Variants in SKIL observed in about 807,000 individuals in gnomAD.
SKIL encodes the protein ski-like protein.
SKIL carries 20 observed loss-of-function variants against 69.6 expected under a neutral mutation model. The observed-to-expected ratio is 0.29, with a 90% CI of 0.20 to 0.42. The LOEUF is 0.42. Among genes scored for constraint, SKIL ranks in the 10% least tolerant of loss-of-function variants. SKIL has a pLI of 1.00. For missense variants in SKIL, 745 were observed against 783.1 expected (o/e 0.95, Z 0.58); for synonymous variants, 310 against 279.9 (o/e 1.11, Z -1.08).
chr3:170,382,343 G>T (rs1430806189), intron 3 of SKIL, among the ~76,000 whole-genome samples: 1 of 150,802 alleles, frequency 6.6e-6, no homozygotes, highest in Non-Finnish European at 1.5e-5. Context: ...AAAAATGGAA[G>T]TTCTCCTTTA....
At chr3:170,386,568 C>G (rs894005277) in intron 4 of SKIL, among the ~76,000 whole-genome samples, 1 of 152,136 alleles carries the variant, frequency 6.6e-6, no homozygotes, top group Non-Finnish European at 1.5e-5. Flanking sequence ...TTGCTGGGCT[C>G]ATAGTCCTTG....
At chr3:170,384,899 CA>C in intron 4 of SKIL, 134 bp downstream of exon 4, 1 of 572,186 alleles carries the variant, frequency 1.7e-6, no homozygotes, top group Non-Finnish European at 3.1e-6. Context: ...TGCTACCCTT[CA>C]AAACTCTGGG....
chr3:170,362,832 C>G (rs1291171982), intron 2 of SKIL, among the ~76,000 whole-genome samples: 1 of 149,086 alleles, frequency 6.7e-6, no homozygotes, highest in Non-Finnish European at 1.5e-5. Flanking sequence ...AAAAACACAA[C>G]CACCTATCAG....
chr3:170,358,102 C>A (rs922622657), intron 1 of SKIL, among the ~76,000 whole-genome samples: 6 of 152,130 alleles, frequency 3.9e-5, no homozygotes, highest in Non-Finnish European at 7.4e-5. Context: ...AGTCCAGCAG[C>A]GCTCCGCGGG....
intron 3 of SKIL, among the ~76,000 whole-genome samples, chr3:170,381,722 T>C (rs941620820): frequency 5.9e-5 from 9 of 151,934 alleles, no homozygotes; most frequent in African/African-American, 1.9e-4. Context: ...TGTGAGCCAC[T>C]GTGCCTGACC....
At chr3:170,373,564 G>C (rs1372154883) in intron 2 of SKIL, among the ~76,000 whole-genome samples, 1 of 152,058 alleles carries the variant, frequency 6.6e-6, no homozygotes, top group Non-Finnish European at 1.5e-5. Context: ...GCATTATCTT[G>C]GTTTCTTTAG....
chr3:170,381,430 ATTAT>A (rs146524896), intron 3 of SKIL, 89 bp downstream of exon 3: 277,236 of 692,258 alleles, frequency 0.4, 58,168 homozygotes, highest in Non-Finnish European at 0.43. Flanking sequence ...TGGGAATTTA[ATTAT>A]TTATTTATTT....
intron 5 of SKIL, 107 bp downstream of exon 5, chr3:170,390,571 C>T: frequency 1.2e-6 from 1 of 825,576 alleles, no homozygotes; most frequent in Non-Finnish European, 1.9e-6. Flanking sequence ...ACTGAAACCT[C>T]CACCTCACAG....
chr3:170,373,651 C>T (rs142455364), intron 2 of SKIL, among the ~76,000 whole-genome samples: 1 of 152,112 alleles, frequency 6.6e-6, no homozygotes, highest in Non-Finnish European at 1.5e-5. Flanking sequence ...ATTAGAGTGC[C>T]ACCTAAAAGC....
chr3:170,378,230 T>C (rs1737133877), intron 2 of SKIL, among the ~76,000 whole-genome samples: 1 of 152,238 alleles, frequency 6.6e-6, no homozygotes. Context: ...ATCTCCTGAC[T>C]GATCAGATTT....
intron 2 of SKIL, among the ~76,000 whole-genome samples, chr3:170,371,810 G>T (rs1005031748): frequency 6.6e-6 from 1 of 152,122 alleles, no homozygotes; most frequent in Non-Finnish European, 1.5e-5. Context: ...ATTGAAAACC[G>T]CCAGGAGGGT....
rs1380564715 is a variant in SKIL, at chr3:170,381,226, T to A, written c.1099-18T>A. On this transcript the variant is annotated intron_variant, in intron 2 of 6. Coordinates refer to ENST00000259119, the MANE Select transcript of SKIL (RefSeq NM_005414.5). ...AGTTTTACTTCAATAAATGTTTCCC[T>A]TCCATGTTTTTCTGCAGACAGATGC... 1 of 1,357,684 alleles carries A rather than the reference T, an allele frequency of 7.4e-7. No individual in the cohort carries two copies. Among genetic ancestry groups the A allele is most frequent in the Non-Finnish European group, 1.1e-6 (1 of 946,468 alleles). 84.1% of individuals were successfully genotyped at this position (1,357,684 alleles called of 1,614,324 possible). A position where few individuals can be genotyped will look rare whatever the true frequency, so the allele number is the denominator to read the frequency against.
In SKIL at chr3:170,384,591, G is replaced by C. The variant is rs944952146; in HGVS notation, c.1255G>C (p.Val419Leu). 1 of 1,613,088 alleles carries C rather than the reference G, an allele frequency of 6.2e-7. No homozygotes were observed. Among genetic ancestry groups the C allele is most frequent in the Non-Finnish European group, 8.5e-7 (1 of 1,179,254 alleles). Reference sequence around the variant, plus strand: ...CCCAAATGTGTCACTTACTTCTGCTGTATCCCAGTCTAAAGAGCTCACAAA... The same window carrying C: ...CCCAAATGTGTCACTTACTTCTGCTCTATCCCAGTCTAAAGAGCTCACAAA... ...VAPNVSLTSA[V>L]SQSKELTKTE... Residue 419 changes from valine to leucine, a missense_variant, in exon 4 of 7, where the codon GTA (valine) becomes CTA (leucine). Coordinates refer to ENST00000259119, the MANE Select transcript of SKIL (RefSeq NM_005414.5).
At position 170,390,104 on chromosome 3, in the gene SKIL, A is replaced by G. The variant is rs866847111; in HGVS notation, c.1430-119A>G. 44 of 708,332 alleles carry G rather than the reference A, an allele frequency of 6.2e-5. 1 individual carries two copies. In the Middle Eastern group the frequency reaches 6.4e-3, roughly 104 times the overall value. The allele number at this position is 708,332 out of a possible 1,614,324, so 43.9% of individuals were successfully genotyped here. ...CTTTTGTTAAATTTATTCCTATTTT[A>G]TTTGTTTTGGTCTAATTTATAAATG... On this transcript the variant is annotated intron_variant, in intron 4 of 6. Transcript: ENST00000259119.
In SKIL at chr3:170,360,465, A is replaced by C. The variant is rs759491747; in HGVS notation, c.134A>C (p.Lys45Thr). Residue 45 changes from lysine to threonine, a missense_variant, in exon 2 of 7, where the codon AAG becomes ACG. By Grantham distance (78) the Lys-to-Thr change is moderately conservative. Transcript: ENST00000259119. ...CATGCAAATGGAAAAACGATAAACA[A>C]GGTGCCAACAGTTAAGAAGGAACAC... ...DIHANGKTINKVPTVKKEHLD... is the reference protein window; with the variant it reads ...DIHANGKTINTVPTVKKEHLD... 6.2e-7 allele frequency: 1 copy of C among 1,613,866 alleles called. No homozygotes were observed. The highest frequency in any genetic ancestry group is 2.2e-5 in the East Asian group (1 of 44,906).
chr3:170,376,306 CAGAGTGCT>C (rs869215416), intron 2 of SKIL, among the ~76,000 whole-genome samples: 28 of 152,040 alleles, frequency 1.8e-4, no homozygotes, highest in African/African-American at 6.5e-4. Flanking sequence ...CTCGGCCTCC[CAGAGTGCT>C]GGGATTACAG....
chr3:170,361,108 C>T lies in SKIL; in HGVS notation c.777C>T (p.Gly259=). 1 of 1,614,222 alleles carries T rather than the reference C, an allele frequency of 6.2e-7. No homozygotes were observed. Among genetic ancestry groups the T allele is most frequent in the Non-Finnish European group, 8.5e-7 (1 of 1,180,026 alleles). Residue 259 remains glycine, a synonymous_variant, in exon 2 of 7, where the codon GGC becomes GGT. Coordinates refer to ENST00000259119, the MANE Select transcript of SKIL (RefSeq NM_005414.5). ...KSSLAQLKET[G]SAFEVEHECL... is the part of the protein sequence containing the mutation. ...CATTGGCCCAGTTAAAGGAAACTGGCAGTGCCTTTGAAGTGGAGCATGAAT... is the reference window on the plus strand; with the variant it reads ...CATTGGCCCAGTTAAAGGAAACTGGTAGTGCCTTTGAAGTGGAGCATGAAT...
chr3:170,392,454 A>G lies in SKIL; in HGVS notation c.*37A>G, dbSNP rs757531783. 1.4e-6 allele frequency: 2 copies of G among 1,415,394 alleles called. No individual in the cohort carries two copies. Among genetic ancestry groups the G allele is most frequent in the South Asian group, 1.5e-5 (1 of 66,620 alleles). 87.7% of individuals were successfully genotyped at this position (1,415,394 alleles called of 1,614,324 possible). Reference sequence around the variant, plus strand: ...GAGATTCATCTGTGTATTACTGACAAGGTTTTTTTTGTTTGTTGCTTGCTT... The same window carrying G: ...GAGATTCATCTGTGTATTACTGACAGGGTTTTTTTTGTTTGTTGCTTGCTT... On this transcript the variant is annotated 3_prime_UTR_variant, in exon 7 of 7. Transcript: ENST00000259119.
intron 4 of SKIL, among the ~76,000 whole-genome samples, chr3:170,385,439 T>G (rs1424556563): frequency 3.3e-5 from 5 of 151,920 alleles, no homozygotes; most frequent in Non-Finnish European, 7.4e-5. Context: ...CATTTAATAA[T>G]AAGAAGTATT....
Sources: gnomAD v4.1 joint callset for allele counts (sites outside exome capture counted in the v4.1 genomes callset) on GRCh38, gnomAD v4.1.1 for gene constraint, MANE v1.5 for transcripts, NCBI Gene and HGNC (gene_info 2026-07-23, HGNC 2026-07-21) for gene names.